SIGLEC6: variants seen among roughly 807,000 people sequenced by gnomAD.
SIGLEC6 encodes the protein sialic acid-binding Ig-like lectin 6.
In SIGLEC6, 31 loss-of-function variants were observed where a neutral mutation model predicts 41.4. That is an observed-to-expected ratio of 0.75 (90% CI 0.56 to 1.01). SIGLEC6 has a LOEUF of 1.01. Among genes scored for constraint, SIGLEC6 ranks in the 50% least tolerant of loss-of-function variants. The probability of loss-of-function intolerance (pLI) is 0.00; values close to 1 mark genes in which losing one functional copy is unlikely to be tolerated. For missense variants in SIGLEC6, 555 were observed against 558.6 expected, an observed-to-expected ratio of 0.99 and a Z score of 0.06; for synonymous variants, 217 against 231.0, an observed-to-expected ratio of 0.94 and a Z score of 0.55.
chr19:51,524,883 G>A (rs12463035), intron 7 of SIGLEC6, among the ~76,000 whole-genome samples: 3 of 152,136 alleles, frequency 2.0e-5, no homozygotes, highest in South Asian at 2.1e-4. Context: ...GGCTCCCCAC[G>A]ATGGGGAAAC....
At chr19:51,531,050 G>C in intron 2 of SIGLEC6, 91 bp from the exon 3 acceptor site, 1 of 1,572,666 alleles carries the variant, frequency 6.4e-7, no homozygotes, top group South Asian at 1.2e-5. Context: ...CCTTCTCTGA[G>C]CCCAACATGC....
intron 7 of SIGLEC6, among the ~76,000 whole-genome samples, chr19:51,524,665 C>A (rs1978897554): frequency 6.6e-6 from 1 of 152,134 alleles, no homozygotes; most frequent in South Asian, 2.1e-4. Context: ...ACTTATACTA[C>A]CAGTTACTGA....
At chr19:51,522,843 A>C (rs933935725) in intron 7 of SIGLEC6, among the ~76,000 whole-genome samples, 9 of 152,126 alleles carry the variant, frequency 5.9e-5, no homozygotes, top group African/African-American at 2.2e-4. Context: ...AATGAAAACT[A>C]TAAAGAACTG....
In SIGLEC6 at chr19:51,531,429, A is replaced by C. The variant is rs748548865; in HGVS notation, c.158T>G (p.Leu53Trp). The C allele has an allele frequency of 6.2e-7, 1 of 1,614,098 alleles. No individual in the cohort carries two copies. The highest frequency in any genetic ancestry group is 1.7e-5 in the Admixed American group (1 of 60,020). The change falls in exon 2 of 8, where the codon TTG (leucine) becomes TGG (tryptophan). Residue 53 changes from leucine (L) to tryptophan (W), a missense_variant. By Grantham distance (61) the Leu-to-Trp change is moderately conservative. Coordinates refer to ENST00000425629, the MANE Select transcript of SIGLEC6 (RefSeq NM_001245.7). Reference sequence around the variant, plus strand: ...GTACGAGGCTGGAAGGGTAGTGGGCAATCTGCAGGGTACGAGGACGCACAG... The same window carrying C: ...GTACGAGGCTGGAAGGGTAGTGGGCCATCTGCAGGGTACGAGGACGCACAG... ...EGLCVLVPCR[L>W]PTTLPASYYG...
chr19:51,527,917 A>G, intron 6 of SIGLEC6, 89 bp from the exon 7 acceptor site: 1 of 1,276,876 alleles, frequency 7.8e-7, no homozygotes, highest in Non-Finnish European at 1.1e-6. Context: ...TATGGAGAGT[A>G]CAGAAGTAAT....
Position 51,520,271 on chromosome 19 carries a change from G to T in SIGLEC6, c.1189-16C>A. 6 of 1,539,956 alleles carry T rather than the reference G, an allele frequency of 3.9e-6. No individual in the cohort carries two copies. The highest frequency in any genetic ancestry group is 5.3e-6 in the Non-Finnish European group (6 of 1,128,452). On this transcript the variant is annotated splice_polypyrimidine_tract_variant and intron_variant, in intron 7 of 7. Coordinates refer to ENST00000425629, the MANE Select transcript of SIGLEC6 (RefSeq NM_001245.7). ...GCTGATGACCCTTAATGGAAGAAAA[G>T]AAAAGATTCAGGGCTGGACAATAGG... is the stretch of plus-strand genomic sequence containing the variant.
intron 5 of SIGLEC6, 149 bp downstream of exon 5, chr19:51,529,575 G>A (rs1979831509): frequency 2.1e-6 from 2 of 953,220 alleles, no homozygotes; most frequent in Non-Finnish European, 1.6e-6. Context: ...ACTGCAGTGT[G>A]GACTCTAAGC....
rs1990787481 is a variant in SIGLEC6 at position 51,520,046 on chromosome 19, T to C, written c.*36A>G. 8 of 1,500,750 alleles carry C rather than the reference T, an allele frequency of 5.3e-6. No individual in the cohort carries two copies. The highest frequency in any genetic ancestry group is 7.3e-6 in the Non-Finnish European group (8 of 1,102,794). The allele number at this position is 1,500,750 out of a possible 1,614,324, so 93.0% of individuals were successfully genotyped here. On this transcript the variant is annotated 3_prime_UTR_variant, in exon 8 of 8. Coordinates refer to ENST00000425629, the MANE Select transcript of SIGLEC6 (RefSeq NM_001245.7). ...AACCAATACACTGAGAGGTACCATG[T>C]TCTCTCCAATCAAGGTTATGGCTTT...
chr19:51,520,538 ACC>A (rs1406978245), intron 7 of SIGLEC6, among the ~76,000 whole-genome samples: 1 of 151,828 alleles, frequency 6.6e-6, no homozygotes, highest in Non-Finnish European at 1.5e-5. Context: ...ACAGGCATGC[ACC>A]CCACCTGGCT....
chr19:51,530,378 G>T, intron 4 of SIGLEC6, 59 bp downstream of exon 4: 2 of 1,474,638 alleles, frequency 1.4e-6, no homozygotes, highest in South Asian at 2.3e-5. Context: ...ATTGATCCCC[G>T]TTAGTCCCCA....
chr19:51,522,288 A>G (rs1222796166), intron 7 of SIGLEC6, among the ~76,000 whole-genome samples: 1 of 152,254 alleles, frequency 6.6e-6, no homozygotes, highest in Non-Finnish European at 1.5e-5. Context: ...ATTCGAGAAC[A>G]AAGCTCAACA....
intron 7 of SIGLEC6, among the ~76,000 whole-genome samples, chr19:51,525,388 T>A (rs1330713773): frequency 2.6e-5 from 4 of 152,142 alleles, no homozygotes; most frequent in Admixed American, 1.3e-4. Context: ...GCATAAGGAC[T>A]ATCACTGGCC....
Position 51,528,228 on chromosome 19 carries a change from A to C in SIGLEC6, c.1038T>G (p.Gly346=). The C allele has an allele frequency of 6.2e-7, 1 of 1,614,110 alleles. No individual in the cohort carries two copies. The highest frequency in any genetic ancestry group is 1.1e-5 in the South Asian group (1 of 91,082). Residue 346 remains glycine (G), a synonymous_variant, in exon 6 of 8, where the codon GGT becomes GGG. Transcript: ENST00000425629. ...VHWKPEGRAG[G]VLGAVWGASI... ...TAGCTCCCCAGACTGCTCCCAGGAC[A>C]CCACCAGCCCTGCCTTCTGGTTTCC...
At chr19:51,523,994 G>C (rs1458244418) in intron 7 of SIGLEC6, among the ~76,000 whole-genome samples, 1 of 152,128 alleles carries the variant, frequency 6.6e-6, no homozygotes, top group African/African-American at 2.4e-5. Flanking sequence ...CTGCACTCCA[G>C]CCTGGGTGAC....
At chr19:51,521,894 G>A (rs1392566717) in intron 7 of SIGLEC6, among the ~76,000 whole-genome samples, 7 of 152,208 alleles carry the variant, frequency 4.6e-5, no homozygotes, top group Admixed American at 4.6e-4. Context: ...AAACCAATGA[G>A]GTGAGTCTCA....
At chr19:51,526,191 T>G (rs1979198704) in intron 7 of SIGLEC6, among the ~76,000 whole-genome samples, 2 of 152,118 alleles carry the variant, frequency 1.3e-5, no homozygotes, top group African/African-American at 4.8e-5. Flanking sequence ...TGCTCCAAGC[T>G]GGGGAGGAAA....
At chr19:51,529,019 G>T (rs981163635) in intron 5 of SIGLEC6, among the ~76,000 whole-genome samples, 3 of 58,080 alleles carry the variant, frequency 5.2e-5, no homozygotes, top group South Asian at 1.3e-3. Flanking sequence ...AAAAAAAAAA[G>T]GGAAAATGTG....
Position 51,520,142 on chromosome 19 carries a change from C to T in SIGLEC6, c.1302G>A (p.Val434=). The T allele has an allele frequency of 1.2e-6, 2 of 1,604,112 alleles. No homozygotes were observed. The change falls in exon 8 of 8, where the codon GTG becomes GTA. Residue 434 remains valine, a synonymous_variant. Coordinates refer to ENST00000425629, the MANE Select transcript of SIGLEC6 (RefSeq NM_001245.7). ...CGGTGACCTTTGGTTCCTGAGGTTG[C>T]ACCTTGTGGAAGTGTAGGACAGCGT... ...LHYAVLHFHK[V]QPQEPKVTDT... is the part of the protein sequence containing the mutation.
intron 5 of SIGLEC6, among the ~76,000 whole-genome samples, chr19:51,528,741 G>T (rs1045790667): frequency 1.3e-5 from 2 of 152,026 alleles, no homozygotes; most frequent in African/African-American, 4.8e-5. Context: ...CCATCATTTT[G>T]GGAGGCCAAG....
Sources: gnomAD v4.1 joint callset for allele counts (sites outside exome capture counted in the v4.1 genomes callset) on GRCh38, gnomAD v4.1.1 for gene constraint, MANE v1.5 for transcripts, NCBI Gene and HGNC (gene_info 2026-07-23, HGNC 2026-07-21) for gene names.